The following PHF11 variants were observed in gnomAD, a reference collection of about 807,000 sequenced individuals.
The protein encoded by PHF11 is PHD finger protein 11.
PHF11 carries 38 observed loss-of-function variants against 40.5 expected under a neutral mutation model. The observed-to-expected ratio is 0.94, with a 90% CI of 0.72 to 1.23. The LOEUF is 1.23. Ranked by LOEUF, PHF11 falls within the 50% of genes most tolerant of loss-of-function variation. The pLI is 0.00. For synonymous variants in PHF11, 127 were observed against 138.2 expected (o/e 0.92, Z 0.57); for missense variants, 369 against 392.4 (o/e 0.94, Z 0.50).
intron 1 of PHF11, among the ~76,000 whole-genome samples, chr13:49,503,855 C>T (rs1958941938): frequency 6.6e-6 from 1 of 152,090 alleles, no homozygotes. Context: ...GCCTCAGCCT[C>T]CCAAGTAGCT....
intron 8 of PHF11, among the ~76,000 whole-genome samples, chr13:49,525,283 T>A (rs1959228519): frequency 6.6e-6 from 1 of 152,216 alleles, no homozygotes; most frequent in Admixed American, 6.5e-5. Flanking sequence ...AGTCTCGCTC[T>A]CTCTCCCAGG....
chr13:49,500,696 T>A (rs1193702557), intron 1 of PHF11, among the ~76,000 whole-genome samples: 1 of 152,206 alleles, frequency 6.6e-6, no homozygotes, highest in Non-Finnish European at 1.5e-5. Context: ...TTTTAATCCA[T>A]CTGCACTGAA....
chr13:49,510,029 G>T (rs1959062305), intron 2 of PHF11, among the ~76,000 whole-genome samples: 1 of 152,028 alleles, frequency 6.6e-6, no homozygotes. Context: ...GTGTGTGTGT[G>T]TGCTTTTTTT....
intron 8 of PHF11, among the ~76,000 whole-genome samples, chr13:49,525,517 GGATTACAGGT>G (rs1162137585): frequency 6.6e-6 from 1 of 152,076 alleles, no homozygotes; most frequent in Admixed American, 6.5e-5. Flanking sequence ...CAAAGTGCGG[GGATTACAGGT>G]GTGAGTCACT....
intron 2 of PHF11, among the ~76,000 whole-genome samples, chr13:49,509,436 C>A (rs1959054671): frequency 6.6e-6 from 1 of 152,146 alleles, no homozygotes. Context: ...TGGTCTTGAT[C>A]TCTTGACCTC....
Position 49,496,114 on chromosome 13 carries a change from G to A in PHF11, c.94+19G>A. ...CCCACCGGTGTGTACCGCGGGGGCG[G>A]GCGGGCGGGCGGGCGGGGCTGGGCA... On this transcript the variant is annotated intron_variant, in intron 1 of 9. Coordinates refer to ENST00000378319, the MANE Select transcript of PHF11 (RefSeq NM_001040443.3). 1.8e-6 allele frequency: 2 copies of A among 1,130,774 alleles called. No homozygotes were observed. The highest frequency in any genetic ancestry group is 1.6e-5 in the African/African-American group (1 of 61,346). The allele number at this position is 1,130,774 out of a possible 1,614,324, so 70.0% of individuals were successfully genotyped here.
intron 9 of PHF11, chr13:49,527,446 A>G (rs1594227828): frequency 6.6e-6 from 1 of 152,330 alleles, no homozygotes; most frequent in South Asian, 2.1e-4. Context: ...TGAAGAAATC[A>G]TTAGTTCATA....
At chr13:49,503,931 C>T (rs1040768599) in intron 1 of PHF11, among the ~76,000 whole-genome samples, 2 of 152,058 alleles carry the variant, frequency 1.3e-5, no homozygotes, top group Non-Finnish European at 2.9e-5. Flanking sequence ...GACATGTTGG[C>T]CAAGCTGGTC....
chr13:49,523,363 T>A, intron 7 of PHF11, 122 bp downstream of exon 7: 2 of 676,504 alleles, frequency 3.0e-6, no homozygotes, highest in Non-Finnish European at 5.3e-6. Context: ...TGGTAATTAA[T>A]GAGTATAAAT....
chr13:49,497,779 C>T (rs1389291138), intron 1 of PHF11, among the ~76,000 whole-genome samples: 1 of 152,214 alleles, frequency 6.6e-6, no homozygotes, highest in Non-Finnish European at 1.5e-5. Flanking sequence ...TCCTGCCCAT[C>T]TTAATGACTC....
At chr13:49,507,775 G>C (rs1212294636) in intron 2 of PHF11, among the ~76,000 whole-genome samples, 1 of 152,194 alleles carries the variant, frequency 6.6e-6, no homozygotes, top group South Asian at 2.1e-4. Context: ...GTGAAAAACA[G>C]AATGGTTTAT....
chr13:49,514,537 T>G (rs1789429163), intron 3 of PHF11, among the ~76,000 whole-genome samples: 2 of 152,060 alleles, frequency 1.3e-5, no homozygotes, highest in African/African-American at 4.8e-5. Flanking sequence ...TGAGGACTGC[T>G]TGAGCCCAGG....
At chr13:49,527,717 G>T (rs556632567) in intron 9 of PHF11, among the ~76,000 whole-genome samples, 1 of 152,194 alleles carries the variant, frequency 6.6e-6, no homozygotes, top group African/African-American at 2.4e-5. Flanking sequence ...TCATGTAAGG[G>T]AACATGTCAC....
rs1019916255 is a variant in PHF11 at position 49,519,901 on chromosome 13, G to A, written c.459-993G>A. 4.5e-4 allele frequency among the ~76,000 whole-genome samples: 68 copies of A among 152,320 alleles called. No homozygotes were observed. In the Middle Eastern group the frequency reaches 0.014, roughly 30 times the overall value. The stretch of plus-strand genomic sequence containing the variant: ...GGTGGGAACTGGTATAAGATGGGAA[G>A]AAACGGTATTCCCCTAGGCAAGGAG... On this transcript the variant is annotated intron_variant, in intron 4 of 9. Transcript: ENST00000378319.
intron 1 of PHF11, among the ~76,000 whole-genome samples, chr13:49,498,904 G>A (rs946344539): frequency 6.6e-5 from 10 of 152,150 alleles, no homozygotes; most frequent in African/African-American, 2.4e-4. Context: ...TAATAAGCAC[G>A]TACTGGCTGC....
At chr13:49,518,874 C>G (rs908883370) in intron 4 of PHF11, 1 of 145,626 alleles carries the variant, frequency 6.9e-6, no homozygotes, top group Middle Eastern at 3.5e-3. Context: ...CTCGCTCTGT[C>G]GCCCAGGCTG....
intron 1 of PHF11, 42 bp downstream of exon 1, chr13:49,496,137 G>A: frequency 1.9e-6 from 2 of 1,079,820 alleles, no homozygotes; most frequent in South Asian, 3.0e-5. Context: ...GCGGGGCTGG[G>A]CAGCGACGGG....
Position 49,506,732 on chromosome 13 carries a change from T to C in PHF11, c.192T>C (p.Asn64=), listed in dbSNP as rs1458662033. Residue 64 remains asparagine, a synonymous_variant, in exon 2 of 10, where the codon AAT becomes AAC. Coordinates refer to ENST00000378319, the MANE Select transcript of PHF11 (RefSeq NM_001040443.3). The part of the protein sequence containing the change: ...YNVLYFAQSE[N]IAAHENCLLY... ...TCCTATACTTTGCACAATCAGAGAA[T>C]ATAGCTGCTCATGAGAATTGTTTGG... 1.2e-6 allele frequency: 2 copies of C among 1,608,552 alleles called. No homozygotes were observed. Among genetic ancestry groups the C allele is most frequent in the Non-Finnish European group, 1.7e-6 (2 of 1,175,668 alleles).
At chr13:49,503,182 G>A (rs879356297) in intron 1 of PHF11, among the ~76,000 whole-genome samples, 1 of 152,014 alleles carries the variant, frequency 6.6e-6, no homozygotes, top group Non-Finnish European at 1.5e-5. Context: ...CGATCTCTGG[G>A]CCTTTTCCCA....
Sources: allele counts gnomAD v4.1 joint callset (sites outside exome capture counted in the v4.1 genomes callset), GRCh38; gene constraint gnomAD v4.1.1; transcripts MANE v1.5; gene names NCBI Gene and HGNC (gene_info 2026-07-23, HGNC 2026-07-21).